The following NRG1 variants were observed in gnomAD, a reference collection of about 807,000 sequenced individuals.
The protein encoded by NRG1 is neuregulin 1.
NRG1 carries 18 observed loss-of-function variants against 63.8 expected under a neutral mutation model. The observed-to-expected ratio is 0.28, with a 90% CI of 0.19 to 0.42. The LOEUF (loss-of-function observed/expected upper bound fraction) is 0.42. Ranked by LOEUF, NRG1 falls within the 10% of genes least tolerant of loss-of-function variation. The pLI, the probability that NRG1 is intolerant of heterozygous loss-of-function variation, is 1.00. For synonymous variants in NRG1, 302 were observed against 301.3 expected, an observed-to-expected ratio of 1.00 and a Z score of -0.02; for missense variants, 762 against 814.7, an observed-to-expected ratio of 0.94 and a Z score of 0.79.
chr8:32,291,599 C>T (rs1460848340), intron 1 of NRG1, among the ~76,000 whole-genome samples: 1 of 131,576 alleles, frequency 7.6e-6, no homozygotes, highest in East Asian at 2.4e-4. Flanking sequence ...AGTGCAGTGG[C>T]AAGATCTCGG....
At chr8:32,339,313 T>C (rs1328550288) in intron 1 of NRG1, among the ~76,000 whole-genome samples, 8 of 152,180 alleles carry the variant, frequency 5.3e-5, no homozygotes. Flanking sequence ...CATCAGTTCC[T>C]CTCCTTTGCC....
chr8:32,424,759 T>C (rs1587567223), intron 1 of NRG1, among the ~76,000 whole-genome samples: 1 of 152,192 alleles, frequency 6.6e-6, no homozygotes, highest in African/African-American at 2.4e-5. Context: ...CCCAGCAATA[T>C]GGAAGGTGGG....
chr8:32,064,881 C>A (rs574342638), intron 1 of NRG1, among the ~76,000 whole-genome samples: 1 of 152,080 alleles, frequency 6.6e-6, no homozygotes, highest in East Asian at 1.9e-4. Context: ...AGTACAGATA[C>A]TGAAATAGCA....
At chr8:32,349,752 T>C (rs946723980) in intron 1 of NRG1, among the ~76,000 whole-genome samples, 11 of 152,156 alleles carry the variant, frequency 7.2e-5, no homozygotes, top group African/African-American at 2.2e-4. Context: ...AGTGGTGTTT[T>C]CTGATTCCCT....
At chr8:32,626,974 C>T (rs936746624) in intron 5 of NRG1, among the ~76,000 whole-genome samples, 2 of 151,770 alleles carry the variant, frequency 1.3e-5, no homozygotes, top group Non-Finnish European at 2.9e-5. Context: ...GAGCTGAGAT[C>T]GCACCACTGC....
intron 1 of NRG1, among the ~76,000 whole-genome samples, chr8:32,369,597 A>G (rs1808544746): frequency 3.9e-5 from 6 of 152,186 alleles, no homozygotes; most frequent in Admixed American, 3.3e-4. Flanking sequence ...ATCTCAAGAG[A>G]GCAGTGTCCA....
At chr8:31,662,601 G>C (rs1432549381) in intron 1 of NRG1, among the ~76,000 whole-genome samples, 1 of 152,148 alleles carries the variant, frequency 6.6e-6, no homozygotes, top group Non-Finnish European at 1.5e-5. Flanking sequence ...GTTTGTGTGA[G>C]ATAGATGCAA....
rs953922290 is a variant in NRG1, at chr8:31,640,609, A to G, written c.37+1178A>G. Reference sequence around the variant, plus strand: ...GGAGGACAGCAGGTACATCTTCTTCATGGAGCCCGACGCCAACAGCACCAG... The same window carrying G: ...GGAGGACAGCAGGTACATCTTCTTCGTGGAGCCCGACGCCAACAGCACCAG... On this transcript the variant is annotated intron_variant, in intron 1 of 10. Coordinates refer to the NRG1 transcript ENST00000519301. The surrounding 1 kb of genome is among the most constrained non-coding windows in gnomAD (Gnocchi z 6.3). The G allele has an allele frequency of 1.4e-5, 22 of 1,611,774 alleles. No homozygotes were observed. The highest frequency in any genetic ancestry group is 1.9e-5 in the Non-Finnish European group (22 of 1,179,542).
At chr8:32,705,283 C>A (rs919355289) in intron 5 of NRG1, among the ~76,000 whole-genome samples, 16 of 152,064 alleles carry the variant, frequency 1.1e-4, no homozygotes, top group African/African-American at 1.2e-4. Context: ...AGGCTCCAGC[C>A]ACCACACCCG....
At chr8:31,778,505 T>C (rs1433576587) in intron 1 of NRG1, among the ~76,000 whole-genome samples, 2 of 152,250 alleles carry the variant, frequency 1.3e-5, no homozygotes, top group Non-Finnish European at 2.9e-5. Flanking sequence ...TCCTTTATTA[T>C]TCTTTCCTCA....
At chr8:32,212,896 G>A (rs565967503) in intron 1 of NRG1, among the ~76,000 whole-genome samples, 2 of 152,264 alleles carry the variant, frequency 1.3e-5, no homozygotes, top group African/African-American at 4.8e-5. Context: ...TGAGTATTTT[G>A]TTGGCTTGGT....
At chr8:32,305,598 A>T (rs924810650) in intron 1 of NRG1, among the ~76,000 whole-genome samples, 1 of 152,178 alleles carries the variant, frequency 6.6e-6, no homozygotes, top group African/African-American at 2.4e-5. Context: ...CTCAGAGTCC[A>T]CTTAGCTTTG....
chr8:32,504,637 A>ATT (rs780523869), intron 1 of NRG1, among the ~76,000 whole-genome samples: 1 of 152,262 alleles, frequency 6.6e-6, no homozygotes, highest in South Asian at 2.1e-4. Flanking sequence ...GATAGAGATT[A>ATT]TTTTAAGATT....
intron 7 of NRG1, among the ~76,000 whole-genome samples, chr8:32,752,344 A>T (rs1006424857): frequency 2.6e-5 from 4 of 152,130 alleles, no homozygotes; most frequent in Admixed American, 6.6e-5. Context: ...GCTATGGGGG[A>T]GGGGAGGCAG....
At chr8:31,835,265 C>T (rs1456337853) in intron 1 of NRG1, among the ~76,000 whole-genome samples, 2 of 152,202 alleles carry the variant, frequency 1.3e-5, no homozygotes. Context: ...AGAACTTGAA[C>T]TCAGGGTTGC....
At chr8:32,757,405 T>C (rs1829878714) in intron 9 of NRG1, among the ~76,000 whole-genome samples, 1 of 152,222 alleles carries the variant, frequency 6.6e-6, no homozygotes, top group Admixed American at 6.5e-5. Flanking sequence ...GCTTATATTG[T>C]AGTACCATTT....
At chr8:32,208,352 C>T (rs1452436940) in intron 1 of NRG1, among the ~76,000 whole-genome samples, 6 of 150,306 alleles carry the variant, frequency 4.0e-5, no homozygotes, top group Non-Finnish European at 8.9e-5. Context: ...GGCGTGATCT[C>T]GGCTCACTGC....
At chr8:32,544,508 TTTA>T (rs1355623707), upstream of NRG1, among the ~76,000 whole-genome samples, 4 of 149,374 alleles carry the variant, frequency 2.7e-5, no homozygotes, top group South Asian at 2.1e-4. Context: ...TATTTATTTA[TTTA>T]TTTATTGTTA....
intron 1 of NRG1, among the ~76,000 whole-genome samples, chr8:32,322,924 A>C (rs1027777224): frequency 3.3e-5 from 5 of 151,740 alleles, no homozygotes; most frequent in African/African-American, 1.2e-4. Context: ...GACACCAAAG[A>C]TACTGATGGC....
Sources: allele counts gnomAD v4.1 joint callset (sites outside exome capture counted in the v4.1 genomes callset), GRCh38; gene constraint gnomAD v4.1.1; non-coding constraint Gnocchi (gnomAD v3.1); transcripts MANE v1.5; gene names NCBI Gene and HGNC (gene_info 2026-07-23, HGNC 2026-07-21).